The following ROR1 variants were observed in gnomAD, a reference collection of about 807,000 sequenced individuals.
ROR1 encodes the protein inactive tyrosine-protein kinase transmembrane receptor ROR1.
ROR1 carries 19 observed loss-of-function variants against 78.8 expected under a neutral mutation model. That is an observed-to-expected ratio of 0.24 (90% CI 0.17 to 0.35). The LOEUF is 0.35. Ranked by LOEUF, ROR1 falls within the 10% of genes least tolerant of loss-of-function variation. The pLI is 1.00. For missense variants in ROR1, 917 were observed against 1,177.8 expected, an observed-to-expected ratio of 0.78 and a Z score of 3.24; for synonymous variants, 386 against 433.6, an observed-to-expected ratio of 0.89 and a Z score of 1.36.
chr1:64,143,712 C>T (rs947655849), intron 7 of ROR1, among the ~76,000 whole-genome samples: 1 of 152,172 alleles, frequency 6.6e-6, no homozygotes, highest in Admixed American at 6.5e-5. Flanking sequence ...AGGGAGTAGG[C>T]ATAGCACATC....
intron 1 of ROR1, among the ~76,000 whole-genome samples, chr1:63,857,317 G>A (rs1418766386): frequency 1.3e-5 from 2 of 152,080 alleles, no homozygotes; most frequent in East Asian, 1.9e-4. Context: ...GTTAATAAAA[G>A]CCACCTAGTT....
At chr1:63,855,483 C>G (rs1016441719) in intron 1 of ROR1, among the ~76,000 whole-genome samples, 1 of 152,052 alleles carries the variant, frequency 6.6e-6, no homozygotes, top group Non-Finnish European at 1.5e-5. Flanking sequence ...ATTCTGTTTA[C>G]TTTTTTAATT....
chr1:63,963,712 A>G (rs1468896503), intron 1 of ROR1, among the ~76,000 whole-genome samples: 1 of 152,180 alleles, frequency 6.6e-6, no homozygotes, highest in East Asian at 1.9e-4. Flanking sequence ...GTGTGGTCAT[A>G]TGACTAAGTC....
intron 1 of ROR1, among the ~76,000 whole-genome samples, chr1:63,902,784 A>G (rs1645496111): frequency 6.6e-6 from 1 of 152,182 alleles, no homozygotes; most frequent in South Asian, 2.1e-4. Context: ...AAAACAGGAG[A>G]TAGGCAGTAG....
intron 1 of ROR1, among the ~76,000 whole-genome samples, chr1:63,940,399 A>G (rs1216959935): frequency 1.3e-5 from 2 of 152,160 alleles, no homozygotes; most frequent in South Asian, 2.1e-4. Flanking sequence ...AAGGACAGCA[A>G]TGGATTATAA....
At chr1:63,819,060 A>G (rs1644909180) in intron 1 of ROR1, among the ~76,000 whole-genome samples, 1 of 152,204 alleles carries the variant, frequency 6.6e-6, no homozygotes, top group African/African-American at 2.4e-5. Context: ...CTCTGGGACT[A>G]GACCTCATTC....
chr1:63,949,741 A>G (rs1645919142), intron 1 of ROR1, among the ~76,000 whole-genome samples: 1 of 152,104 alleles, frequency 6.6e-6, no homozygotes, highest in Non-Finnish European at 1.5e-5. Context: ...TGCCATTTTC[A>G]GACATGCTTA....
At chr1:63,804,007 C>A (rs551956385) in intron 1 of ROR1, among the ~76,000 whole-genome samples, 10 of 152,100 alleles carry the variant, frequency 6.6e-5, no homozygotes, top group African/African-American at 2.2e-4. Context: ...AAAAAAAGTA[C>A]CCTTTTGAGA....
rs188851104 is a variant in ROR1, at chr1:64,055,092, C to T, written c.482+4376C>T. On this transcript the variant is annotated intron_variant, in intron 4 of 8. Transcript: ENST00000371079. ...GTAAAGACCTATTTCCAAATAAGAT[C>T]ACATTCCAAGGTACCTGGAAATTAG... Among the ~76,000 whole-genome samples, 5 of 152,208 alleles carry T rather than the reference C, an allele frequency of 3.3e-5. No homozygotes were observed. In the East Asian group the frequency reaches 9.6e-4, roughly 29 times the overall value.
chr1:64,067,710 C>CTTTTTTTGTTTT (rs1646968818), intron 4 of ROR1, among the ~76,000 whole-genome samples: 1 of 105,698 alleles, frequency 9.5e-6, no homozygotes, highest in Non-Finnish European at 1.8e-5. Context: ...TAAATAAATT[C>CTTTTTTTGTTTT]TTTTTTTTTT....
At chr1:64,160,978 G>C (rs558729092) in intron 8 of ROR1, among the ~76,000 whole-genome samples, 16 of 152,282 alleles carry the variant, frequency 1.1e-4, no homozygotes, top group African/African-American at 3.6e-4. Flanking sequence ...CAATTTTGTG[G>C]GTTAGCCTTA....
chr1:64,055,948 T>C (rs1365877864), intron 4 of ROR1, among the ~76,000 whole-genome samples: 1 of 152,236 alleles, frequency 6.6e-6, no homozygotes, highest in African/African-American at 2.4e-5. Context: ...TCCTTTTGTG[T>C]TTGCCTTCTT....
chr1:63,785,666 C>T (rs1644679990), intron 1 of ROR1, among the ~76,000 whole-genome samples: 1 of 151,972 alleles, frequency 6.6e-6, no homozygotes, highest in Non-Finnish European at 1.5e-5. Context: ...GCTTGGATTA[C>T]AGGCGCCTGC....
Position 64,163,222 on chromosome 1 carries a change from A to AACAC in ROR1, c.1386+4072_1386+4075dup, listed in dbSNP as rs57880828. Among the ~76,000 whole-genome samples, 704 of 137,732 alleles carry AACAC rather than the reference A, an allele frequency of 5.1e-3. 9 individuals carry two copies. The highest frequency in any genetic ancestry group is 0.016 in the African/African-American group (584 of 36,292). 90.4% of individuals were successfully genotyped at this position (137,732 alleles called of 152,430 possible). ...AACATGGGGAAACCCCATCTCTACAAACACACACACACACACACACACACA... is the reference window on the plus strand; with the variant it reads ...AACATGGGGAAACCCCATCTCTACAAACACACACACACACACACACACACACACA... On this transcript the variant is annotated intron_variant, in intron 8 of 8. Transcript: ENST00000371079.
chr1:63,829,747 G>T (rs968488018), intron 1 of ROR1, among the ~76,000 whole-genome samples: 9 of 152,186 alleles, frequency 5.9e-5, no homozygotes, highest in African/African-American at 2.2e-4. Flanking sequence ...TGCAGGCCAT[G>T]CTGGGGAGCT....
chr1:64,160,492 A>G lies in ROR1; in HGVS notation c.1386+1300A>G, dbSNP rs142468502. Among the ~76,000 whole-genome samples, 785 of 152,206 alleles carry G rather than the reference A, an allele frequency of 5.2e-3. 7 individuals are homozygous for G. The highest frequency in any genetic ancestry group is 0.018 in the African/African-American group (752 of 41,546). ...AAGCAAACAACAAAAAAAAAACCCT[A>G]CAAATCCTGAAGACCATAGAGTTCA... On this transcript the variant is annotated intron_variant, in intron 8 of 8. Transcript: ENST00000371079.
At chr1:64,161,146 A>G (rs1200180139) in intron 8 of ROR1, among the ~76,000 whole-genome samples, 1 of 152,222 alleles carries the variant, frequency 6.6e-6, no homozygotes, top group Non-Finnish European at 1.5e-5. Context: ...TTTTACATCC[A>G]TTATCACACT....
At chr1:63,903,626 G>T (rs1466550525) in intron 1 of ROR1, among the ~76,000 whole-genome samples, 2 of 151,938 alleles carry the variant, frequency 1.3e-5, no homozygotes, top group Non-Finnish European at 2.9e-5. Flanking sequence ...GTCCATAGGT[G>T]CTCAGTCTCA....
At chr1:64,030,197 G>A (rs1174196281) in intron 2 of ROR1, among the ~76,000 whole-genome samples, 1 of 152,134 alleles carries the variant, frequency 6.6e-6, no homozygotes, top group Non-Finnish European at 1.5e-5. Context: ...AAAGAATGAT[G>A]GAGGCAATTG....
Sources: allele counts gnomAD v4.1 joint callset (sites outside exome capture counted in the v4.1 genomes callset), GRCh38; gene constraint gnomAD v4.1.1; transcripts MANE v1.5; gene names NCBI Gene and HGNC (gene_info 2026-07-23, HGNC 2026-07-21).